Variants in BCAT1 observed in about 807,000 individuals in gnomAD.
The protein encoded by BCAT1 is branched chain amino acid transaminase 1, also known as branched-chain-amino-acid aminotransferase, cytosolic.
Under a neutral mutation model 52.4 loss-of-function variants are expected in BCAT1, and 48 were observed. The ratio of observed to expected loss-of-function variants is 0.92; its 90% CI spans 0.73 to 1.16. The LOEUF (loss-of-function observed/expected upper bound fraction) is 1.16. Ranked by LOEUF, BCAT1 falls within the 50% of genes most tolerant of loss-of-function variation. BCAT1 has a pLI of 0.00. For missense variants in BCAT1, 451 were observed against 457.1 expected, an observed-to-expected ratio of 0.99 and a Z score of 0.12; for synonymous variants, 167 against 161.3, an observed-to-expected ratio of 1.04 and a Z score of -0.27.
intron 2 of BCAT1, among the ~76,000 whole-genome samples, chr12:24,898,585 G>T (rs368760808): frequency 7.7e-6 from 1 of 130,202 alleles, no homozygotes; most frequent in South Asian, 2.5e-4. Context: ...GCACAATCTC[G>T]GCTCGCTGCA....
rs185892668 is a variant in BCAT1, at chr12:24,925,706, C to T, written c.6+23221G>A. Among the ~76,000 whole-genome samples, 1,454 of 152,280 alleles carry T rather than the reference C, an allele frequency of 9.5e-3. 24 individuals carry two copies. The highest frequency in any genetic ancestry group is 0.033 in the African/African-American group (1,385 of 41,548). ...ACCTCCCTGCCTGATTGTCCTGCCT[C>T]AGCCTGCCGAGTGCCTGTGATTGCA... is the stretch of plus-strand genomic sequence containing the variant. On this transcript the variant is annotated intron_variant, in intron 1 of 10. Transcript: ENST00000261192.
intron 1 of BCAT1, among the ~76,000 whole-genome samples, chr12:24,941,515 A>C (rs2139761626): frequency 6.6e-6 from 1 of 152,348 alleles, no homozygotes; most frequent in South Asian, 2.1e-4. Context: ...AAACAGAATC[A>C]ATTAATCTGA....
Position 24,810,058 on chromosome 12 carries a change from G to T in BCAT1, c.*7950C>A, listed in dbSNP as rs946656180. ...ACTCAATTTATTTGTTTCAGCTCAC[G>T]AACTTTTCAGAATCCCTAGTGGCTT... On this transcript the variant is annotated 3_prime_UTR_variant, in exon 11 of 11. Transcript: ENST00000261192. The T allele has an allele frequency of 2.0e-5, 3 of 152,118 alleles. No individual in the cohort carries two copies. Among genetic ancestry groups the T allele is most frequent in the African/African-American group, 7.2e-5 (3 of 41,416 alleles). The allele number at this position is 152,118 out of a possible 1,614,324, so 9.4% of individuals were successfully genotyped here.
chr12:24,935,627 T>C (rs2139751343), intron 1 of BCAT1, among the ~76,000 whole-genome samples: 2 of 152,324 alleles, frequency 1.3e-5, no homozygotes, highest in South Asian at 2.1e-4. Context: ...AGTCATCATG[T>C]CTTTGTTCCT....
chr12:24,835,595 A>ATTTATTTATTT (rs879684901), intron 8 of BCAT1, among the ~76,000 whole-genome samples: 1 of 143,456 alleles, frequency 7.0e-6, no homozygotes, highest in African/African-American at 2.6e-5. Context: ...TTATTTATTT[A>ATTTATTTATTT]ATTTACTTTT....
intron 6 of BCAT1, among the ~76,000 whole-genome samples, chr12:24,844,894 C>CAAAAAAAAAAAAAAAAAAAAAAA (rs11318750): frequency 1.4e-4 from 5 of 35,998 alleles, no homozygotes; most frequent in African/African-American, 3.1e-4. Flanking sequence ...GAGACTGTCT[C>CAAAAAAAAAAAAAAAAAAAAAAA]AAAAAAAAAA....
intron 10 of BCAT1, among the ~76,000 whole-genome samples, chr12:24,821,329 T>C (rs951796667): frequency 6.6e-6 from 1 of 152,210 alleles, no homozygotes; most frequent in Non-Finnish European, 1.5e-5. Context: ...CCCTTTCCTA[T>C]GCTTCAGATG....
chr12:24,902,791 C>G, intron 1 of BCAT1: 1 of 1,080,032 alleles, frequency 9.3e-7, no homozygotes, highest in Non-Finnish European at 1.3e-6. Context: ...GGCAGGGATG[C>G]GGGGAAGGGA....
rs1275225269 is a variant in BCAT1 at position 24,816,214 on chromosome 12, C to T, written c.*1794G>A. 1 of 301,170 alleles carries T rather than the reference C, an allele frequency of 3.3e-6. No homozygotes were observed. The highest frequency in any genetic ancestry group is 6.0e-6 in the Non-Finnish European group (1 of 165,904). 18.7% of individuals were successfully genotyped at this position (301,170 alleles called of 1,614,324 possible). A position where few individuals can be genotyped will look rare whatever the true frequency, so the allele number is the denominator to read the frequency against. ...AAAAGTTTTGGAAAAGAATCAAAGCCCATTTTCTATGTGTTGCTAAATGCC... is the reference window on the plus strand; with the variant it reads ...AAAAGTTTTGGAAAAGAATCAAAGCTCATTTTCTATGTGTTGCTAAATGCC... On this transcript the variant is annotated 3_prime_UTR_variant, in exon 11 of 11. Coordinates refer to ENST00000261192, the MANE Select transcript of BCAT1 (RefSeq NM_005504.7).
intron 1 of BCAT1, among the ~76,000 whole-genome samples, chr12:24,946,366 T>C (rs1354306825): frequency 6.6e-6 from 1 of 152,146 alleles, no homozygotes; most frequent in Non-Finnish European, 1.5e-5. Flanking sequence ...GTAGAGAGTA[T>C]ATTGAGGTCA....
intron 5 of BCAT1, among the ~76,000 whole-genome samples, chr12:24,856,965 G>T (rs576534552): frequency 6.6e-6 from 1 of 152,216 alleles, no homozygotes; most frequent in South Asian, 2.1e-4. Flanking sequence ...TGTGAATTTT[G>T]GGGTTCCTGT....
rs761093919 is a variant in BCAT1, at chr12:24,849,905, T to C, written c.555A>G (p.Val185=). 2 of 1,613,176 alleles carry C rather than the reference T, an allele frequency of 1.2e-6. No homozygotes were observed. Among genetic ancestry groups the C allele is most frequent in the Non-Finnish European group, 1.7e-6 (2 of 1,179,446 alleles). The change falls in exon 6 of 11, where the codon GTA becomes GTG. Residue 185 remains valine, a synonymous_variant. Coordinates refer to ENST00000261192, the MANE Select transcript of BCAT1 (RefSeq NM_005504.7). ...AATAAGGTCCCACTGGGCTCAAGAG[T>C]ACAAAGAGCAGGGCTTTGGTAGGCT... ...VKKPTKALLF[V]LLSPVGPYFS...
chr12:24,824,652 G>T (rs1373413186), intron 10 of BCAT1, among the ~76,000 whole-genome samples: 1 of 151,972 alleles, frequency 6.6e-6, no homozygotes, highest in Admixed American at 6.6e-5. Flanking sequence ...ATCTTATTTG[G>T]TGTATTAACT....
At chr12:24,878,961 C>G (rs1320720163) in intron 4 of BCAT1, among the ~76,000 whole-genome samples, 1 of 151,910 alleles carries the variant, frequency 6.6e-6, no homozygotes, top group Non-Finnish European at 1.5e-5. Flanking sequence ...GATTTTCCCC[C>G]CAAAAATTGT....
chr12:24,875,482 G>A lies in BCAT1; in HGVS notation c.510+3048C>T, dbSNP rs991176239. On this transcript the variant is annotated intron_variant, in intron 5 of 10. Coordinates refer to ENST00000261192, the MANE Select transcript of BCAT1 (RefSeq NM_005504.7). Reference sequence around the variant, plus strand: ...TAGTATTCATTATTTCCTTCAATTCGTACCTCACAACTTAGGAAGTAGATT... The same window carrying A: ...TAGTATTCATTATTTCCTTCAATTCATACCTCACAACTTAGGAAGTAGATT... 2.0e-5 allele frequency among the ~76,000 whole-genome samples: 3 copies of A among 152,020 alleles called. No homozygotes were observed. In the South Asian group the frequency reaches 6.2e-4, roughly 31 times the overall value.
intron 1 of BCAT1, among the ~76,000 whole-genome samples, chr12:24,943,211 T>C (rs532534472): frequency 6.6e-6 from 1 of 152,186 alleles, no homozygotes; most frequent in Non-Finnish European, 1.5e-5. Context: ...ATTTACAAAC[T>C]GGCCCAGTGC....
intron 6 of BCAT1, among the ~76,000 whole-genome samples, chr12:24,845,320 T>C (rs1386943161): frequency 6.6e-6 from 1 of 151,422 alleles, no homozygotes; most frequent in East Asian, 1.9e-4. Context: ...GAAGCAAGTC[T>C]GGTATACAGA....
intron 4 of BCAT1, 106 bp from the exon 5 acceptor site, chr12:24,878,755 A>T (rs931915154): frequency 9.2e-7 from 1 of 1,089,186 alleles, no homozygotes; most frequent in African/African-American, 1.6e-5. Context: ...AATAATCCCA[A>T]CACAAAAAAA....
At chr12:24,931,849 G>A (rs1005585539) in intron 1 of BCAT1, among the ~76,000 whole-genome samples, 3 of 152,208 alleles carry the variant, frequency 2.0e-5, no homozygotes, top group Non-Finnish European at 4.4e-5. Flanking sequence ...GAAAACCGGG[G>A]ATGTAACACA....
Sources: allele counts gnomAD v4.1 joint callset (sites outside exome capture counted in the v4.1 genomes callset), GRCh38; gene constraint gnomAD v4.1.1; transcripts MANE v1.5; gene names NCBI Gene and HGNC (gene_info 2026-07-23, HGNC 2026-07-21).